Variants in CSNK1G2 observed in about 807,000 individuals in gnomAD.
CSNK1G2 encodes casein kinase 1 gamma 2.
In CSNK1G2, 11 loss-of-function variants were observed where a neutral mutation model predicts 48.0. That is an observed-to-expected ratio of 0.23 (90% CI 0.14 to 0.38). The LOEUF is 0.38. Ranked by LOEUF, CSNK1G2 falls within the 10% of genes least tolerant of loss-of-function variation. The probability of loss-of-function intolerance (pLI) is 1.00; values close to 1 mark genes in which losing one functional copy is unlikely to be tolerated. For missense variants in CSNK1G2, 446 were observed against 595.5 expected (o/e 0.75, Z 2.61); for synonymous variants, 337 against 254.1 (o/e 1.33, Z -3.10).
At chr19:1,964,703 T>A (rs2145557848) in intron 1 of CSNK1G2, among the ~76,000 whole-genome samples, 1 of 151,334 alleles carries the variant, frequency 6.6e-6, no homozygotes, top group Non-Finnish European at 1.5e-5. Context: ...TTTTGAGACC[T>A]ATTGTTCAGA....
At chr19:1,973,433 C>T (rs1049637974) in intron 2 of CSNK1G2, among the ~76,000 whole-genome samples, 5 of 151,102 alleles carry the variant, frequency 3.3e-5, no homozygotes, top group African/African-American at 1.2e-4. Context: ...TGTTGGCAAA[C>T]TCCTGACCTC....
chr19:1,950,415 A>T (rs999492566), intron 1 of CSNK1G2, among the ~76,000 whole-genome samples: 1 of 147,288 alleles, frequency 6.8e-6, no homozygotes, highest in Non-Finnish European at 1.5e-5. Flanking sequence ...CTGGGATTAC[A>T]GGCGTGAGCC....
intron 1 of CSNK1G2, chr19:1,952,770 A>G (rs556372664): frequency 3.2e-6 from 1 of 312,784 alleles, no homozygotes; most frequent in African/African-American, 2.3e-5. Flanking sequence ...GCCAGGGGAT[A>G]TAGAAGACCT....
chr19:1,959,787 G>A (rs71337064), intron 1 of CSNK1G2, among the ~76,000 whole-genome samples: 25 of 108,908 alleles, frequency 2.3e-4, no homozygotes, highest in South Asian at 3.0e-4. Context: ...CACCTTTAGT[G>A]CCACCCTGGG....
Position 1,969,871 on chromosome 19 carries a change from G to C in CSNK1G2, c.99G>C (p.Ser33=). The change falls in exon 2 of 12, where the codon TCG becomes TCC. Residue 33 remains serine, a synonymous_variant. Coordinates refer to ENST00000255641, the MANE Select transcript of CSNK1G2 (RefSeq NM_001319.7). ...GGRSSHGIRS[S]GTSSGVLMVG... Reference sequence around the variant, plus strand: ...GGAGCAGCCACGGCATCCGGAGCTCGGGGACCAGCTCGGGGGTCCTGATGG... The same window carrying C: ...GGAGCAGCCACGGCATCCGGAGCTCCGGGACCAGCTCGGGGGTCCTGATGG... 1 of 1,312,030 alleles carries C rather than the reference G, an allele frequency of 7.6e-7. No homozygotes were observed. The highest frequency in any genetic ancestry group is 9.8e-7 in the Non-Finnish European group (1 of 1,021,682). 81.3% of individuals were successfully genotyped at this position (1,312,030 alleles called of 1,614,324 possible). A position where few individuals can be genotyped will look rare whatever the true frequency, so the allele number is the denominator to read the frequency against.
chr19:1,975,800 C>G, intron 2 of CSNK1G2: 1 of 974,302 alleles, frequency 1.0e-6, no homozygotes, highest in Non-Finnish European at 1.2e-6. Context: ...CTTTGGGAGG[C>G]TGATGTGGGC....
chr19:1,953,085 C>CT, intron 1 of CSNK1G2: 3 of 402,552 alleles, frequency 7.5e-6, no homozygotes, highest in Non-Finnish European at 1.4e-5. Context: ...GGTTACGCTT[C>CT]TGGAAGGACC....
intron 1 of CSNK1G2, among the ~76,000 whole-genome samples, chr19:1,944,394 A>T (rs1052591745): frequency 1.3e-5 from 2 of 151,826 alleles, no homozygotes; most frequent in Non-Finnish European, 2.9e-5. Flanking sequence ...GCTTCCTGGG[A>T]AGTGGGTGGA....
At chr19:1,971,543 T>C (rs918112788) in intron 2 of CSNK1G2, among the ~76,000 whole-genome samples, 7 of 152,194 alleles carry the variant, frequency 4.6e-5, no homozygotes, top group African/African-American at 1.7e-4. Context: ...ATGTGCACAC[T>C]AAAGCACACG....
At chr19:1,963,815 ATTTTTTT>A (rs1163885585) in intron 1 of CSNK1G2, among the ~76,000 whole-genome samples, 1 of 127,346 alleles carries the variant, frequency 7.9e-6, no homozygotes, top group Non-Finnish European at 1.6e-5. Flanking sequence ...GCCTCTACAA[ATTTTTTT>A]TTTTTTTTTT....
At chr19:1,956,653 G>T (rs542367006) in intron 1 of CSNK1G2, among the ~76,000 whole-genome samples, 100 of 152,360 alleles carry the variant, frequency 6.6e-4, no homozygotes, top group African/African-American at 2.3e-3. Flanking sequence ...CAGAGGGGCT[G>T]GGTGGGGTGT....
chr19:1,954,240 C>T, intron 1 of CSNK1G2: 1 of 327,522 alleles, frequency 3.1e-6, no homozygotes, highest in Non-Finnish European at 6.2e-6. Context: ...CGTCACTGGG[C>T]TGGGCCTGGC....
rs764922985 is a variant in CSNK1G2 at position 1,979,943 on chromosome 19, G to A, written c.1119G>A (p.Ala373=). Residue 373 remains alanine, a synonymous_variant, in exon 11 of 12, where the codon GCG becomes GCA. Coordinates refer to ENST00000255641, the MANE Select transcript of CSNK1G2 (RefSeq NM_001319.7). ...ALNSTNGELN[A]DDPTAGHSNA... is the part of the protein sequence containing the mutation. The stretch of plus-strand genomic sequence containing the variant: ...ACTCCACCAACGGGGAGCTGAATGC[G>A]GACGACCCCACGGCCGGCCACTCCA... The A allele has an allele frequency of 1.0e-5, 16 of 1,602,466 alleles. No individual in the cohort carries two copies. The Admixed American group carries it at 1.2e-4, about 12-fold the overall frequency.
chr19:1,964,781 A>G (rs1293052601), intron 1 of CSNK1G2, among the ~76,000 whole-genome samples: 1 of 150,770 alleles, frequency 6.6e-6, no homozygotes, highest in South Asian at 2.1e-4. Context: ...GCTGGAGTGC[A>G]GTGGTGCCAT....
In CSNK1G2 at chr19:1,969,934, C is replaced by T. The variant is rs529608007; in HGVS notation, c.162C>T (p.Cys54=). The change falls in exon 2 of 12, where the codon TGC becomes TGT. Residue 54 remains cysteine, a synonymous_variant. Transcript: ENST00000255641. ...TCCGCGTCGGCAAGAAGATCGGCTG[C>T]GGCAACTTCGGGGAGCTCCGCCTAG... ...PNFRVGKKIG[C]GNFGELRLGK... is the part of the protein sequence containing the mutation. The T allele has an allele frequency of 2.9e-5, 38 of 1,310,408 alleles. No individual in the cohort carries two copies. The highest frequency in any genetic ancestry group is 2.4e-4 in the Admixed American group (8 of 32,736). The allele number at this position is 1,310,408 out of a possible 1,614,324, so 81.2% of individuals were successfully genotyped here. A position where few individuals can be genotyped will look rare whatever the true frequency, so the allele number is the denominator to read the frequency against.
intron 1 of CSNK1G2, among the ~76,000 whole-genome samples, chr19:1,963,279 CCTCT>C (rs1287373618): frequency 2.0e-5 from 3 of 151,962 alleles, no homozygotes; most frequent in African/African-American, 7.2e-5. Context: ...ACAGAGTCTC[CCTCT>C]GTCGCCCAAG....
intron 1 of CSNK1G2, among the ~76,000 whole-genome samples, chr19:1,943,661 G>A (rs920126779): frequency 2.6e-5 from 4 of 152,114 alleles, no homozygotes; most frequent in East Asian, 1.9e-4. Context: ...GGGTTACCGC[G>A]CGCCCGAGTG....
chr19:1,958,142 T>C (rs1277229388), intron 1 of CSNK1G2, among the ~76,000 whole-genome samples: 2 of 151,902 alleles, frequency 1.3e-5, no homozygotes, highest in African/African-American at 4.8e-5. Context: ...CGCAGCCTCA[T>C]GGGGCACCTG....
chr19:1,959,048 T>C (rs2145538463), intron 1 of CSNK1G2, among the ~76,000 whole-genome samples: 1 of 150,444 alleles, frequency 6.6e-6, no homozygotes, highest in Admixed American at 6.6e-5. Flanking sequence ...CGAGTTGGTT[T>C]TTGTATTAAT....
Sources: gnomAD v4.1 joint callset for allele counts (sites outside exome capture counted in the v4.1 genomes callset) on GRCh38, gnomAD v4.1.1 for gene constraint, MANE v1.5 for transcripts, NCBI Gene and HGNC (gene_info 2026-07-23, HGNC 2026-07-21) for gene names.